Variants in EEF1E1 observed in about 807,000 individuals in gnomAD.
The protein encoded by EEF1E1 is eukaryotic translation elongation factor 1 epsilon 1.
A neutral mutation model predicts 19.9 loss-of-function variants in EEF1E1; 19 were observed. The observed-to-expected ratio is 0.95, with a 90% CI of 0.66 to 1.40. The LOEUF is 1.40. Ranked by LOEUF, EEF1E1 falls within the 40% of genes most tolerant of loss-of-function variation. EEF1E1 has a pLI of 0.00. For missense variants in EEF1E1, 198 were observed against 202.2 expected (o/e 0.98, Z 0.13); for synonymous variants, 81 against 80.0 (o/e 1.01, Z -0.07).
chr6:8,102,491 C>A lies in EEF1E1; in HGVS notation c.31G>T (p.Glu11Ter), dbSNP rs749719404. 1.2e-6 allele frequency: 2 copies of A among 1,612,156 alleles called. No individual in the cohort carries two copies. The highest frequency in any genetic ancestry group is 1.7e-6 in the Non-Finnish European group (2 of 1,179,980). ...CCCTTACTCAGTCCCAGGGACTTCT[C>A]CAGTAGCGACAACTCTGCGGCCGCC... MAAAAELSLL[E>*]KSLGLSKGNK... The change falls in exon 1 of 4, where the codon GAG becomes TAG. Residue 11 changes from glutamate (E) to a stop codon, truncating the protein, a stop_gained. Coordinates refer to ENST00000379715, the MANE Select transcript of EEF1E1 (RefSeq NM_004280.5). LOFTEE classifies it high-confidence loss of function.
At chr6:8,101,869 T>C (rs1758375988) in intron 1 of EEF1E1, 1 of 1,274,366 alleles carries the variant, frequency 7.8e-7, no homozygotes. Context: ...CAAGACTCCT[T>C]AGGTGTTCTC....
At position 8,102,204 on chromosome 6, in the gene EEF1E1, G is replaced by A. The variant is rs918204084; in HGVS notation, c.87+231C>T. On this transcript the variant is annotated intron_variant, in intron 1 of 3. Coordinates refer to ENST00000379715, the MANE Select transcript of EEF1E1 (RefSeq NM_004280.5). The stretch of plus-strand genomic sequence containing the variant: ...TGGGATGATGACAATTTCCCAGGAG[G>A]TGAAGTTCAGGCCAAGCCCAACCTG... 34 of 703,186 alleles carry A rather than the reference G, an allele frequency of 4.8e-5. 1 individual carries two copies. The East Asian group carries it at 4.0e-3, about 83-fold the overall frequency. The allele number at this position is 703,186 out of a possible 1,614,324, so 43.6% of individuals were successfully genotyped here.
chr6:8,102,073 A>G (rs1164942207), intron 1 of EEF1E1: 1 of 1,194,906 alleles, frequency 8.4e-7, no homozygotes, highest in Non-Finnish European at 1.1e-6. Flanking sequence ...AACTGAATGA[A>G]AGGTGCGATT....
intron 1 of EEF1E1, among the ~76,000 whole-genome samples, chr6:8,099,772 ACACACACACACACACACAC>A (rs1758279619): frequency 1.6e-5 from 2 of 124,246 alleles, no homozygotes; most frequent in Admixed American, 7.6e-5. Context: ...ACACACACAC[ACACACACACACACACACAC>A]AAAAAAAAAA....
At chr6:8,101,243 A>AAAAAAAAATATATAT (rs1271033598) in intron 1 of EEF1E1, among the ~76,000 whole-genome samples, 3 of 58,472 alleles carry the variant, frequency 5.1e-5, no homozygotes, top group Non-Finnish European at 8.7e-5. Context: ...AAAAAAAAAA[A>AAAAAAAAATATATAT]ATATATATAT....
At chr6:8,076,410 G>A (rs1490157312), downstream of EEF1E1, among the ~76,000 whole-genome samples, 2 of 151,934 alleles carry the variant, frequency 1.3e-5, no homozygotes, top group African/African-American at 4.8e-5. Context: ...TGCAAGCTCC[G>A]CCTCCCGGGT....
chr6:8,081,627 A>G lies in EEF1E1; in HGVS notation c.385-1597T>C, dbSNP rs79872510. ...CTTTTTCTAAATCTTTACCATATAT[A>G]AACCTCAGCAAGGACTTCAAAAGAA... On this transcript the variant is annotated intron_variant, in intron 3 of 3. Coordinates refer to ENST00000379715, the MANE Select transcript of EEF1E1 (RefSeq NM_004280.5). 7.7e-3 allele frequency among the ~76,000 whole-genome samples: 1,177 copies of G among 152,320 alleles called. 15 individuals are homozygous for G. Among genetic ancestry groups the G allele is most frequent in the African/African-American group, 0.026 (1,099 of 41,566 alleles).
chr6:8,080,590 A>G (rs920461735), intron 3 of EEF1E1, among the ~76,000 whole-genome samples: 1 of 152,220 alleles, frequency 6.6e-6, no homozygotes, highest in African/African-American at 2.4e-5. Flanking sequence ...TCAAGCTACA[A>G]GAATGCTCAG....
chr6:8,073,600 T>A, intron 3 of EEF1E1: 1 of 1,483,218 alleles, frequency 6.7e-7, no homozygotes, highest in Non-Finnish European at 9.0e-7. Flanking sequence ...ATGTTATCTA[T>A]TATTGTTGTT....
At chr6:8,090,104 A>G in intron 3 of EEF1E1, 82 bp downstream of exon 3, 1 of 1,233,552 alleles carries the variant, frequency 8.1e-7, no homozygotes, top group Non-Finnish European at 1.1e-6. Context: ...AAAAATGCAA[A>G]TCTGATTTAA....
downstream of EEF1E1, chr6:8,079,264 T>C (rs1015092489): frequency 2.7e-6 from 1 of 366,488 alleles, no homozygotes; most frequent in Admixed American, 6.5e-5. Flanking sequence ...CATATTACAA[T>C]AAGCCCAACA....
intron 3 of EEF1E1, chr6:8,073,568 A>C: frequency 6.5e-7 from 1 of 1,543,294 alleles, no homozygotes; most frequent in Admixed American, 2.0e-5. Flanking sequence ...ATAGTGCCTG[A>C]TACACACTAA....
chr6:8,102,500 A>G lies in EEF1E1; in HGVS notation c.22T>C (p.Ser8Pro), dbSNP rs746146722. 2.5e-6 allele frequency: 4 copies of G among 1,611,750 alleles called. No homozygotes were observed. Among genetic ancestry groups the G allele is most frequent in the Non-Finnish European group, 2.5e-6 (3 of 1,179,962 alleles). The change falls in exon 1 of 4, where the codon TCG becomes CCG. Residue 8 changes from serine (S) to proline (P), a missense_variant. Ser to Pro is a moderately conservative substitution (Grantham distance 74). Coordinates refer to ENST00000379715, the MANE Select transcript of EEF1E1 (RefSeq NM_004280.5). ...AGTCCCAGGGACTTCTCCAGTAGCG[A>G]CAACTCTGCGGCCGCCGCCATCTTC... MAAAAELSLLEKSLGLSK... is the reference protein window; with the variant it reads MAAAAELPLLEKSLGLSK...
intron 3 of EEF1E1, among the ~76,000 whole-genome samples, chr6:8,083,961 G>A (rs1326192516): frequency 6.6e-6 from 1 of 152,156 alleles, no homozygotes; most frequent in Admixed American, 6.5e-5. Context: ...TTCTGCCATT[G>A]TGTAGGTTTT....
At chr6:8,082,812 C>T (rs181393399) in intron 3 of EEF1E1, among the ~76,000 whole-genome samples, 1 of 152,290 alleles carries the variant, frequency 6.6e-6, no homozygotes, top group East Asian at 1.9e-4. Context: ...CTTGTTAACT[C>T]TGCTACTTTT....
intron 2 of EEF1E1, chr6:8,095,259 G>A (rs777054760): frequency 3.9e-6 from 1 of 253,670 alleles, no homozygotes; most frequent in Non-Finnish European, 8.2e-6. Flanking sequence ...CCAGCACTTT[G>A]GGAGGCTGAG....
At chr6:8,083,597 T>G (rs1757774039) in intron 3 of EEF1E1, among the ~76,000 whole-genome samples, 1 of 151,908 alleles carries the variant, frequency 6.6e-6, no homozygotes, top group Admixed American at 6.6e-5. Flanking sequence ...TCAAACGGAG[T>G]TAAGATAGAC....
intron 3 of EEF1E1, among the ~76,000 whole-genome samples, chr6:8,073,975 G>A (rs917037602): frequency 1.3e-5 from 2 of 152,198 alleles, no homozygotes; most frequent in African/African-American, 4.8e-5. Flanking sequence ...CCTCCCAGCT[G>A]GAGTGGCCAA....
chr6:8,082,665 C>T (rs901426203), intron 3 of EEF1E1, among the ~76,000 whole-genome samples: 18 of 152,180 alleles, frequency 1.2e-4, no homozygotes, highest in Non-Finnish European at 4.4e-5. Flanking sequence ...ATTCATTTTT[C>T]CCTCAGGAAA....
Sources: gnomAD v4.1 joint callset for allele counts (sites outside exome capture counted in the v4.1 genomes callset) on GRCh38, gnomAD v4.1.1 for gene constraint, MANE v1.5 for transcripts, NCBI Gene and HGNC (gene_info 2026-07-23, HGNC 2026-07-21) for gene names.